PRRC2C: variants seen among roughly 807,000 people sequenced by gnomAD.
PRRC2C encodes protein PRRC2C.
Under a neutral mutation model 317.2 loss-of-function variants are expected in PRRC2C, and 72 were observed. The observed-to-expected ratio is 0.23, with a 90% confidence interval of 0.19 to 0.28. The LOEUF (loss-of-function observed/expected upper bound fraction) is 0.28. Among genes scored for constraint, PRRC2C ranks in the 10% least tolerant of loss-of-function variants. The pLI, the probability that PRRC2C is intolerant of heterozygous loss-of-function variation, is 1.00. For missense variants in PRRC2C, 3,074 were observed against 3,459.7 expected (o/e 0.89, Z 2.80); for synonymous variants, 1,296 against 1,205.9 (o/e 1.07, Z -1.55).
chr1:171,577,844 C>G (rs1292326880), intron 26 of PRRC2C, among the ~76,000 whole-genome samples: 1 of 130,664 alleles, frequency 7.7e-6, no homozygotes, highest in Non-Finnish European at 1.5e-5. Context: ...GTGACGCGGT[C>G]TTGGCTTACT....
rs114153233 is a variant in PRRC2C, at chr1:171,572,401, A to G, written c.6753+980A>G. Among the ~76,000 whole-genome samples, 593 of 152,290 alleles carry G rather than the reference A, an allele frequency of 3.9e-3. 3 individuals are homozygous for G. Among genetic ancestry groups the G allele is most frequent in the African/African-American group, 0.013 (538 of 41,546 alleles). On this transcript the variant is annotated intron_variant, in intron 24 of 34. Transcript: ENST00000647382. ...CTTCCTGATGTTGCACTGGTTGACA[A>G]TCTCTTTGATGATCTTCAGTTGGGG...
chr1:171,540,393 G>T lies in PRRC2C; in HGVS notation c.2927G>T (p.Arg976Leu). Residue 976 changes from arginine (R) to leucine (L), a missense_variant, in exon 16 of 35, where the codon CGA (arginine) becomes CTA (leucine). Arg to Leu is a moderately radical substitution (Grantham distance 102, BLOSUM62 -2). Coordinates refer to ENST00000647382, the MANE Select transcript of PRRC2C (RefSeq NM_001387844.1). ...EEKPKKEGFI[R>L]SSEGPKPEKV... ...AAACCAAAAAAGGAAGGCTTTATAC[G>T]ATCTTCTGAAGGACCAAAACCTGAA... 6.2e-7 allele frequency: 1 copy of T among 1,612,838 alleles called. No homozygotes were observed. Among genetic ancestry groups the T allele is most frequent in the Non-Finnish European group, 8.5e-7 (1 of 1,179,532 alleles).
At chr1:171,575,264 G>T in intron 25 of PRRC2C, 136 bp downstream of exon 25, 1 of 870,916 alleles carries the variant, frequency 1.1e-6, no homozygotes, top group Admixed American at 2.8e-5. Flanking sequence ...CAAAGTGCTG[G>T]GATTACAGGC....
Position 171,532,956 on chromosome 1 carries a change from A to C in PRRC2C, c.1868A>C (p.Asn623Thr). The C allele has an allele frequency of 1.3e-6, 2 of 1,548,636 alleles. No individual in the cohort carries two copies. The highest frequency in any genetic ancestry group is 1.7e-6 in the Non-Finnish European group (2 of 1,159,076). ...VEKQESENSC[N>T]KEEEPVFTRQ... is the part of the protein sequence containing the mutation. ...AAACAAGAAAGTGAAAACAGCTGTA[A>C]TAAAGGTTTGATAGTATTCTTCATT... The change falls in exon 12 of 35, where the codon AAT becomes ACT. Residue 623 changes from asparagine (N) to threonine (T), a missense_variant. Physicochemically the swap from Asn to Thr is moderately conservative, Grantham distance 65. Coordinates refer to ENST00000647382, the MANE Select transcript of PRRC2C (RefSeq NM_001387844.1).
At chr1:171,566,169 CT>C in intron 20 of PRRC2C, 63 bp from the exon 21 acceptor site, 2 of 1,335,742 alleles carry the variant, frequency 1.5e-6, no homozygotes, top group Non-Finnish European at 2.1e-6. Context: ...CTGTATAGTG[CT>C]TCATAAATCA....
intron 1 of PRRC2C, among the ~76,000 whole-genome samples, chr1:171,498,298 G>A (rs1360947445): frequency 6.6e-6 from 1 of 152,116 alleles, no homozygotes; most frequent in Non-Finnish European, 1.5e-5. Context: ...ATTTCTGTTG[G>A]TACTGAAGGC....
In PRRC2C at chr1:171,539,094, C is replaced by T. The variant is rs553264008; in HGVS notation, c.2505-877C>T. Among the ~76,000 whole-genome samples, 346 of 152,050 alleles carry T rather than the reference C, an allele frequency of 2.3e-3. 1 individual carries two copies. The highest frequency in any genetic ancestry group is 7.9e-3 in the African/African-American group (326 of 41,468). On this transcript the variant is annotated intron_variant, in intron 15 of 34. Coordinates refer to ENST00000647382, the MANE Select transcript of PRRC2C (RefSeq NM_001387844.1). ...TCAGCTCACCGCAACCTCCGCCTCC[C>T]GGGTTCAAGCGATTCTCCTGCCTCA...
At chr1:171,512,245 G>A (rs1337202637) in intron 2 of PRRC2C, 45 bp downstream of exon 2, 1 of 1,289,620 alleles carries the variant, frequency 7.8e-7, no homozygotes, top group Non-Finnish European at 1.1e-6. Flanking sequence ...GGTTTGTTTT[G>A]TTACTATAAG....
At chr1:171,504,423 T>G (rs1287529559) in intron 1 of PRRC2C, among the ~76,000 whole-genome samples, 1 of 152,242 alleles carries the variant, frequency 6.6e-6, no homozygotes, top group Non-Finnish European at 1.5e-5. Context: ...ACATTTTGTC[T>G]ATGGTTCATT....
At chr1:171,584,292 AAAAC>A (rs1228978688) in intron 29 of PRRC2C, 105 bp downstream of exon 29, 8 of 1,368,596 alleles carry the variant, frequency 5.8e-6, no homozygotes, top group South Asian at 1.4e-5. Context: ...TGCAATGAAA[AAAAC>A]AAAGTCCTTT....
At chr1:171,519,997 C>T (rs970516024) in intron 6 of PRRC2C, among the ~76,000 whole-genome samples, 2 of 152,230 alleles carry the variant, frequency 1.3e-5, no homozygotes, top group African/African-American at 4.8e-5. Context: ...GTTTTTTGCT[C>T]TGATGCCTAG....
At chr1:171,515,501 T>G (rs1218601218) in intron 4 of PRRC2C, among the ~76,000 whole-genome samples, 1 of 152,034 alleles carries the variant, frequency 6.6e-6, no homozygotes, top group Non-Finnish European at 1.5e-5. Context: ...CTTAAATGAG[T>G]CCTCTGGAAT....
chr1:171,588,315 C>G, intron 32 of PRRC2C, 64 bp from the exon 33 acceptor site: 1 of 1,555,734 alleles, frequency 6.4e-7, no homozygotes, highest in Non-Finnish European at 8.7e-7. Context: ...ACGGTGTTTG[C>G]AAAAATCTAA....
At chr1:171,578,330 A>G (rs537105896) in intron 26 of PRRC2C, among the ~76,000 whole-genome samples, 4 of 152,102 alleles carry the variant, frequency 2.6e-5, no homozygotes, top group Middle Eastern at 3.4e-3. Context: ...AGGCAGAAGG[A>G]TTACTTGACC....
chr1:171,530,196 CA>C (rs113735249), intron 11 of PRRC2C, among the ~76,000 whole-genome samples: 97 of 141,608 alleles, frequency 6.8e-4, no homozygotes, highest in African/African-American at 2.5e-3. Context: ...AGATATGTTA[CA>C]GAAAAAAATA....
At position 171,591,729 on chromosome 1, in the gene PRRC2C, G is replaced by C. The variant is rs562724851; in HGVS notation, c.8579G>C (p.Gly2860Ala). 10 of 1,613,848 alleles carry C rather than the reference G, an allele frequency of 6.2e-6. No individual in the cohort carries two copies. The highest frequency in any genetic ancestry group is 5.0e-5 in the Admixed American group (3 of 60,006). The change falls in exon 35 of 35, where the codon GGG becomes GCG. Residue 2860 changes from glycine to alanine, a missense_variant. Physicochemically the swap from Gly to Ala is moderately conservative, Grantham distance 60. This residue lies in a region of PRRC2C where 78 missense variants were observed against 97.7 expected (regional missense o/e 0.80). Transcript: ENST00000647382. ...CCTGAAACACTGACCGACCCTCCTG[G>C]GGTCTGTCAGGAAAAAGTAGAAGAA... ...KPPETLTDPP[G>A]VCQEKVEEKP... is the part of the protein sequence containing the mutation.
intron 34 of PRRC2C, among the ~76,000 whole-genome samples, chr1:171,590,137 A>T (rs536096872): frequency 2.0e-5 from 3 of 152,296 alleles, no homozygotes; most frequent in African/African-American, 7.2e-5. Flanking sequence ...ATGAGTCATC[A>T]AAGTACAGTT....
At chr1:171,549,202 T>C (rs1679720814) in intron 17 of PRRC2C, among the ~76,000 whole-genome samples, 1 of 152,276 alleles carries the variant, frequency 6.6e-6, no homozygotes, top group South Asian at 2.1e-4. Flanking sequence ...TATTTATTTA[T>C]GTGTTTGTTT....
chr1:171,580,054 A>G, intron 28 of PRRC2C, 90 bp downstream of exon 28: 2 of 1,211,172 alleles, frequency 1.7e-6, no homozygotes, highest in East Asian at 3.0e-5. Context: ...TTCCTTCCCA[A>G]AAAAACCTAG....
Sources: allele counts gnomAD v4.1 joint callset (sites outside exome capture counted in the v4.1 genomes callset), GRCh38; gene constraint gnomAD v4.1.1; regional missense constraint gnomAD v4.1.1; transcripts MANE v1.5; gene names NCBI Gene and HGNC (gene_info 2026-07-23, HGNC 2026-07-21).